GPR20: variants seen among roughly 807,000 people sequenced by gnomAD.
The protein encoded by GPR20 is G protein-coupled receptor 20, also known as CTD-3064M3.3.
For synonymous variants in GPR20, 241 were observed against 241.9 expected (o/e 1.00, Z 0.04); for missense variants, 494 against 527.4 (o/e 0.94, Z 0.62).
rs1466097531 is a variant in GPR20, at chr8:141,357,114, C to T, written c.810G>A (p.Met270Ile). Residue 270 changes from methionine to isoleucine, a missense_variant, in exon 2 of 2, where the codon ATG (methionine) becomes ATA (isoleucine). Coordinates refer to ENST00000377741, the MANE Select transcript of GPR20 (RefSeq NM_005293.3). The stretch of plus-strand genomic sequence containing the variant: ...AGACCACGAGGCTCGTGTGGTGTGG[C>T]ATGTCGGGCCACAGCGCCACGGCCA... ...RQVAVALWPD[M>I]PHHTSLVVYH... is the part of the protein sequence containing the mutation. The T allele has an allele frequency of 1.9e-6, 3 of 1,611,678 alleles. No homozygotes were observed. Among genetic ancestry groups the T allele is most frequent in the African/African-American group, 1.3e-5 (1 of 74,944 alleles).
At chr8:141,359,894 G>A (rs1339822534) in intron 1 of GPR20, among the ~76,000 whole-genome samples, 1 of 152,214 alleles carries the variant, frequency 6.6e-6, no homozygotes, top group African/African-American at 2.4e-5. Context: ...AAGTATTTTG[G>A]GATTCCTTTC....
intron 1 of GPR20, among the ~76,000 whole-genome samples, chr8:141,358,357 G>A (rs1418372890): frequency 6.6e-6 from 1 of 152,244 alleles, no homozygotes; most frequent in East Asian, 1.9e-4. Flanking sequence ...AGCCCCAGCT[G>A]TGCCACTGAC....
intron 1 of GPR20, among the ~76,000 whole-genome samples, chr8:141,364,022 G>A (rs1297902956): frequency 6.6e-6 from 1 of 152,254 alleles, no homozygotes; most frequent in Non-Finnish European, 1.5e-5. Context: ...AGGAACCGGA[G>A]GCCCAGAGGG....
At chr8:141,366,788 C>G (rs1416053072) in intron 1 of GPR20, among the ~76,000 whole-genome samples, 1 of 152,214 alleles carries the variant, frequency 6.6e-6, no homozygotes. Context: ...CCAACTCTGT[C>G]CCTGGCTTGG....
chr8:141,367,264 A>C lies in GPR20; in HGVS notation c.-88T>G, dbSNP rs1466690759. Reference sequence around the variant, plus strand: ...GCTCTCAGCTCTGCATGCAGCCCGGACCTCGCCTTCCTACGGCCTGACGTC... The same window carrying C: ...GCTCTCAGCTCTGCATGCAGCCCGGCCCTCGCCTTCCTACGGCCTGACGTC... On this transcript the variant is annotated 5_prime_UTR_variant, in exon 1 of 2. Transcript: ENST00000377741. The C allele has an allele frequency of 1.4e-5, 2 of 143,462 alleles. No homozygotes were observed. The highest frequency in any genetic ancestry group is 2.1e-4 in the East Asian group (1 of 4,836). The allele number at this position is 143,462 out of a possible 1,614,324, so 8.9% of individuals were successfully genotyped here. A position where few individuals can be genotyped will look rare whatever the true frequency, so the allele number is the denominator to read the frequency against.
At position 141,356,716 on chromosome 8, in the gene GPR20, C is replaced by T; in HGVS notation, c.*131G>A. On this transcript the variant is annotated 3_prime_UTR_variant, in exon 2 of 2. Coordinates refer to ENST00000377741, the MANE Select transcript of GPR20 (RefSeq NM_005293.3). ...CCACAGCACAGTGGCCTTAGACGCT[C>T]AATGCGGTGCTCTGGGTAGCCATCA... 1.6e-6 allele frequency: 1 copy of T among 634,714 alleles called. No individual in the cohort carries two copies. Among genetic ancestry groups the T allele is most frequent in the Non-Finnish European group, 2.7e-6 (1 of 369,454 alleles). The allele number at this position is 634,714 out of a possible 1,614,324, so 39.3% of individuals were successfully genotyped here.
chr8:141,361,206 T>A (rs927146822), intron 1 of GPR20, among the ~76,000 whole-genome samples: 1 of 152,184 alleles, frequency 6.6e-6, no homozygotes, highest in Non-Finnish European at 1.5e-5. Flanking sequence ...TCTTTTCCAC[T>A]GGCCCAGGCC....
chr8:141,359,918 C>A (rs1203074543), intron 1 of GPR20, among the ~76,000 whole-genome samples: 1 of 152,242 alleles, frequency 6.6e-6, no homozygotes, highest in Non-Finnish European at 1.5e-5. Context: ...GTGCCTTTTG[C>A]TTTTCCAATT....
chr8:141,362,603 G>A (rs1174713732), intron 1 of GPR20, among the ~76,000 whole-genome samples: 1 of 152,168 alleles, frequency 6.6e-6, no homozygotes, highest in Non-Finnish European at 1.5e-5. Flanking sequence ...CCTACCCAGT[G>A]TCTTGGTACT....
At chr8:141,360,324 C>A (rs1336714942) in intron 1 of GPR20, among the ~76,000 whole-genome samples, 1 of 152,212 alleles carries the variant, frequency 6.6e-6, no homozygotes, top group Non-Finnish European at 1.5e-5. Flanking sequence ...CGATCCCTGT[C>A]CCACTCTGAG....
In GPR20 at chr8:141,357,183, G is replaced by A. The variant is rs1253251801; in HGVS notation, c.741C>T (p.Leu247=). 2 of 1,595,488 alleles carry A rather than the reference G, an allele frequency of 1.3e-6. No individual in the cohort carries two copies. The highest frequency in any genetic ancestry group is 2.2e-5 in the South Asian group (2 of 89,868). The change falls in exon 2 of 2, where the codon CTC becomes CTT. Residue 247 remains leucine, a synonymous_variant. Coordinates refer to ENST00000377741, the MANE Select transcript of GPR20 (RefSeq NM_005293.3). The part of the protein sequence containing the change: ...VRAMQLLLTV[L]IIFLVCFTPF... ...GCGTGAAGCAGACGAGAAAGATGAT[G>A]AGCACCGTGAGCAGGAGCTGCATGG...
At position 141,357,798 on chromosome 8, in the gene GPR20, G is replaced by T; in HGVS notation, c.126C>A (p.Asp42Glu). 1 of 1,613,406 alleles carries T rather than the reference G, an allele frequency of 6.2e-7. No individual in the cohort carries two copies. Among genetic ancestry groups the T allele is most frequent in the Non-Finnish European group, 8.5e-7 (1 of 1,179,930 alleles). ...CTGGGAAGGTGCCATGCAGCTCCTC[G>T]TCCAGCCGGGCAAACAGGTGGAACA... ...VPLFHLFARL[D>E]EELHGTFPGL... The change falls in exon 2 of 2, where the codon GAC becomes GAA. Residue 42 changes from aspartate to glutamate, a missense_variant. Coordinates refer to ENST00000377741, the MANE Select transcript of GPR20 (RefSeq NM_005293.3).
chr8:141,360,875 G>A (rs75218844), intron 1 of GPR20, among the ~76,000 whole-genome samples: 11 of 152,240 alleles, frequency 7.2e-5, no homozygotes, highest in South Asian at 4.1e-4. Context: ...GGGGTCACTC[G>A]TGCCTTCCAC....
At chr8:141,362,294 C>T (rs1831746015) in intron 1 of GPR20, among the ~76,000 whole-genome samples, 1 of 152,166 alleles carries the variant, frequency 6.6e-6, no homozygotes, top group Non-Finnish European at 1.5e-5. Context: ...TCTGGTGCAT[C>T]CTCCCAGGGC....
chr8:141,362,844 C>T, intron 1 of GPR20, among the ~76,000 whole-genome samples: 1 of 151,746 alleles, frequency 6.6e-6, no homozygotes, highest in Middle Eastern at 3.2e-3. Flanking sequence ...ACCTCCACTT[C>T]CTGGGTTCAA....
At chr8:141,365,659 T>C (rs112630020) in intron 1 of GPR20, among the ~76,000 whole-genome samples, 8,350 of 152,036 alleles carry the variant, frequency 0.055, 765 homozygotes, top group African/African-American at 0.19. Context: ...GGAAGAGCGC[T>C]CCCGGCAGCA....
At chr8:141,364,140 C>T (rs553912424) in intron 1 of GPR20, among the ~76,000 whole-genome samples, 176 of 152,300 alleles carry the variant, frequency 1.2e-3, no homozygotes, top group African/African-American at 4.0e-3. Flanking sequence ...AGAGTGCGGG[C>T]TGGGGAGCAG....
chr8:141,358,397 C>T (rs1018234491), intron 1 of GPR20, among the ~76,000 whole-genome samples: 2 of 152,244 alleles, frequency 1.3e-5, no homozygotes, highest in African/African-American at 4.8e-5. Context: ...GGCCACTTAA[C>T]CTCTCTACCT....
chr8:141,364,161 T>C (rs1831780181), intron 1 of GPR20, among the ~76,000 whole-genome samples: 1 of 152,160 alleles, frequency 6.6e-6, no homozygotes, highest in Non-Finnish European at 1.5e-5. Flanking sequence ...AGGGGCTGGA[T>C]TAGGCATCTC....
Sources: gnomAD v4.1 joint callset for allele counts (sites outside exome capture counted in the v4.1 genomes callset) on GRCh38, gnomAD v4.1.1 for gene constraint, MANE v1.5 for transcripts, NCBI Gene and HGNC (gene_info 2026-07-23, HGNC 2026-07-21) for gene names.